SORT1: variants seen among roughly 807,000 people sequenced by gnomAD.
The protein encoded by SORT1 is sortilin.
Under a neutral mutation model 101.7 loss-of-function variants are expected in SORT1, and 39 were observed. The observed-to-expected ratio is 0.38, with a 90% CI of 0.30 to 0.50. The LOEUF (loss-of-function observed/expected upper bound fraction) is 0.50. Among genes scored for constraint, SORT1 ranks in the 20% least tolerant of loss-of-function variants. The pLI, the probability that SORT1 is intolerant of heterozygous loss-of-function variation, is 0.90. For missense variants in SORT1, 878 were observed against 1,040.4 expected (o/e 0.84, Z 2.15); for synonymous variants, 396 against 393.7 (o/e 1.01, Z -0.07).
At chr1:109,345,950 G>GAA in intron 7 of SORT1, 69 bp from the exon 8 acceptor site, 2 of 1,314,662 alleles carry the variant, frequency 1.5e-6, no homozygotes, top group Non-Finnish European at 2.1e-6. Context: ...AGTTGTTTTA[G>GAA]AATCAATCTT....
At chr1:109,332,985 T>C (rs1342507869) in intron 11 of SORT1, among the ~76,000 whole-genome samples, 1 of 152,136 alleles carries the variant, frequency 6.6e-6, no homozygotes, top group Non-Finnish European at 1.5e-5. Flanking sequence ...TGGAGTGCAA[T>C]GGTGCGGTCT....
At chr1:109,350,390 A>C (rs1193401081) in intron 6 of SORT1, among the ~76,000 whole-genome samples, 1 of 152,156 alleles carries the variant, frequency 6.6e-6, no homozygotes, top group Non-Finnish European at 1.5e-5. Flanking sequence ...CGAGACTCCC[A>C]AGTAAGAGCT....
At position 109,322,949 on chromosome 1, in the gene SORT1, G is replaced by C. The variant is rs753843210; in HGVS notation, c.2007C>G (p.Ser669=). 2 of 1,613,310 alleles carry C rather than the reference G, an allele frequency of 1.2e-6. No individual in the cohort carries two copies. Among genetic ancestry groups the C allele is most frequent in the East Asian group, 4.5e-5 (2 of 44,870 alleles). The change falls in exon 15 of 20, where the codon TCC becomes TCG. Residue 669 remains serine, a synonymous_variant. Transcript: ENST00000256637. The part of the protein sequence containing the change: ...VTKQPSICLC[S]LEDFLCDFGY... The stretch of plus-strand genomic sequence containing the variant: ...GCTGATACCAGAGAAAGTCCTCCAG[G>C]GAACAGAGGCAGATGGAGGGCTGCT...
chr1:109,355,409 C>T lies in SORT1; in HGVS notation c.501G>A (p.Arg167=), dbSNP rs1298937130. 4 of 1,605,114 alleles carry T rather than the reference C, an allele frequency of 2.5e-6. No individual in the cohort carries two copies. Among genetic ancestry groups the T allele is most frequent in the Non-Finnish European group, 3.4e-6 (4 of 1,172,040 alleles). The change falls in exon 4 of 20, where the codon CGG becomes CGA. Residue 167 remains arginine (R), a synonymous_variant. Coordinates refer to ENST00000256637, the MANE Select transcript of SORT1 (RefSeq NM_002959.7). ...GACCAATAGCCATGCCAAATTCAGT[C>T]CGAATAAAGGTGTTATTGATGAGAT... ...ITDLINNTFI[R]TEFGMAIGPE... is the part of the protein sequence containing the mutation.
In SORT1 at chr1:109,314,757, G is replaced by T; in HGVS notation, c.2272C>A (p.Pro758Thr). The change falls in exon 18 of 20, where the codon CCA becomes ACA. Residue 758 changes from proline to threonine, a missense_variant. Physicochemically the swap from Pro to Thr is conservative, Grantham distance 38. Around this residue, in one of 2 missense-constraint regions of SORT1, gnomAD observed 684 missense variants for 894.5 expected, o/e 0.76. Transcript: ENST00000256637. ...AATCCCACGATGGCCAGGATAATTGGAACAGAATTTGACTTGGAATTCTTG... is the reference window on the plus strand; with the variant it reads ...AATCCCACGATGGCCAGGATAATTGTAACAGAATTTGACTTGGAATTCTTG... The part of the protein sequence containing the change: ...EKQNSKSNSV[P>T]IILAIVGLML... The T allele has an allele frequency of 1.2e-6, 2 of 1,607,876 alleles. No homozygotes were observed. Among genetic ancestry groups the T allele is most frequent in the Non-Finnish European group, 1.7e-6 (2 of 1,174,432 alleles).
chr1:109,349,592 C>A (rs1032230384), intron 6 of SORT1, among the ~76,000 whole-genome samples: 21 of 151,676 alleles, frequency 1.4e-4, no homozygotes, highest in Middle Eastern at 3.4e-3. Context: ...ATAGTGAGAC[C>A]CCCTATCTCT....
At chr1:109,389,735 A>T (rs959530306) in intron 1 of SORT1, 1 of 152,230 alleles carries the variant, frequency 6.6e-6, no homozygotes, top group African/African-American at 2.4e-5. Context: ...TGCTTTTTGG[A>T]AACGTTAGCA....
At chr1:109,371,195 G>A (rs1651464137) in intron 1 of SORT1, among the ~76,000 whole-genome samples, 1 of 152,238 alleles carries the variant, frequency 6.6e-6, no homozygotes, top group African/African-American at 2.4e-5. Context: ...GGAAAGAAGG[G>A]CTATTCAGAC....
At chr1:109,352,444 T>C (rs1650032450) in intron 5 of SORT1, among the ~76,000 whole-genome samples, 1 of 152,188 alleles carries the variant, frequency 6.6e-6, no homozygotes, top group Non-Finnish European at 1.5e-5. Context: ...GTTTGAAATG[T>C]AGCAGAGACT....
chr1:109,321,321 C>T (rs946326894), intron 15 of SORT1, among the ~76,000 whole-genome samples: 10 of 151,968 alleles, frequency 6.6e-5, no homozygotes, highest in African/African-American at 2.4e-4. Flanking sequence ...AGTGGGAAGT[C>T]GCCAGACTTG....
At chr1:109,374,189 T>C (rs1174639872) in intron 1 of SORT1, among the ~76,000 whole-genome samples, 1 of 152,052 alleles carries the variant, frequency 6.6e-6, no homozygotes, top group Non-Finnish European at 1.5e-5. Context: ...AGATAATTAG[T>C]AGATAAGGAC....
intron 15 of SORT1, among the ~76,000 whole-genome samples, chr1:109,319,897 G>C (rs1461319290): frequency 6.6e-6 from 1 of 151,536 alleles, no homozygotes. Flanking sequence ...AAAAGAAAAT[G>C]AGTGTCTGCA....
rs577685605 is a variant in SORT1 at position 109,327,912 on chromosome 1, C to A, written c.1372-311G>T. Among the ~76,000 whole-genome samples the A allele has an allele frequency of 3.3e-5, 5 of 152,296 alleles. No individual in the cohort carries two copies. In the South Asian group the frequency reaches 1.0e-3, roughly 32 times the overall value. ...TACTTTGTGTTTTCTATGATTTTTACCATATTACTTTGTGTTGGCTACTCT... is the reference window on the plus strand; with the variant it reads ...TACTTTGTGTTTTCTATGATTTTTAACATATTACTTTGTGTTGGCTACTCT... On this transcript the variant is annotated intron_variant, in intron 11 of 19. Transcript: ENST00000256637.
chr1:109,322,881 A>G (rs1157963217), intron 15 of SORT1, 51 bp downstream of exon 15: 4 of 1,464,258 alleles, frequency 2.7e-6, no homozygotes, highest in Non-Finnish European at 3.8e-6. Flanking sequence ...ACTGTCTTTC[A>G]CCTCCTCCAA....
chr1:109,375,358 C>A (rs1265835600), intron 1 of SORT1, among the ~76,000 whole-genome samples: 1 of 151,864 alleles, frequency 6.6e-6, no homozygotes, highest in Non-Finnish European at 1.5e-5. Flanking sequence ...GTCAGGAGAT[C>A]AAGACCATCC....
intron 3 of SORT1, among the ~76,000 whole-genome samples, chr1:109,361,755 A>G (rs1650734954): frequency 6.6e-6 from 1 of 152,154 alleles, no homozygotes; most frequent in Non-Finnish European, 1.5e-5. Context: ...TTACCTTCTT[A>G]AATTTATTTG....
intron 13 of SORT1, among the ~76,000 whole-genome samples, chr1:109,326,518 T>TATATACACAC (rs1648074007): frequency 2.4e-5 from 2 of 82,752 alleles, no homozygotes; most frequent in African/African-American, 4.1e-5. Context: ...CACATACACA[T>TATATACACAC]ATATATACAC....
At chr1:109,396,493 G>A (rs966423380) in intron 1 of SORT1, among the ~76,000 whole-genome samples, 7 of 152,106 alleles carry the variant, frequency 4.6e-5, no homozygotes, top group African/African-American at 9.7e-5. Context: ...GCTGCTGCTC[G>A]GGATACACTA....
At chr1:109,324,672 A>C (rs1222524393) in intron 14 of SORT1, among the ~76,000 whole-genome samples, 1 of 152,224 alleles carries the variant, frequency 6.6e-6, no homozygotes, top group Non-Finnish European at 1.5e-5. Flanking sequence ...AATAATTTAA[A>C]TGACATATGT....
Sources: allele counts gnomAD v4.1 joint callset (sites outside exome capture counted in the v4.1 genomes callset), GRCh38; gene constraint gnomAD v4.1.1; regional missense constraint gnomAD v4.1.1; transcripts MANE v1.5; gene names NCBI Gene and HGNC (gene_info 2026-07-23, HGNC 2026-07-21).